Variants in KCNMB2 observed in about 807,000 individuals in gnomAD.
The protein encoded by KCNMB2 is calcium-activated potassium channel subunit beta-2.
Under a neutral mutation model 24.5 loss-of-function variants are expected in KCNMB2, and 9 were observed. The observed-to-expected ratio is 0.37, with a 90% CI of 0.22 to 0.64. The LOEUF is 0.64. KCNMB2 is among the 30% of genes least tolerant of loss of function. The pLI, the probability that KCNMB2 is intolerant of heterozygous loss-of-function variation, is 0.63. For missense variants in KCNMB2, 226 were observed against 284.3 expected (o/e 0.79, Z 1.47); for synonymous variants, 109 against 104.4 (o/e 1.04, Z -0.27).
chr3:178,720,165 GTTCCCC>G (rs1034655209), intron 1 of KCNMB2, among the ~76,000 whole-genome samples: 9 of 150,944 alleles, frequency 6.0e-5, no homozygotes, highest in Non-Finnish European at 1.2e-4. Flanking sequence ...AGAGTGTGAT[GTTCCCC>G]TTCCTGTGTC....
At chr3:178,695,625 A>C (rs1402896017) in intron 1 of KCNMB2, among the ~76,000 whole-genome samples, 3 of 152,232 alleles carry the variant, frequency 2.0e-5, no homozygotes, top group Non-Finnish European at 4.4e-5. Flanking sequence ...TTGCTAAAGC[A>C]TACCAAGATT....
At chr3:178,691,099 C>A (rs1476222255) in intron 1 of KCNMB2, among the ~76,000 whole-genome samples, 1 of 74,198 alleles carries the variant, frequency 1.3e-5, no homozygotes, top group Non-Finnish European at 2.6e-5. Flanking sequence ...CATAATTCCC[C>A]ATTAAGTCTT....
At chr3:178,784,104 G>A (rs1446418681) in intron 1 of KCNMB2, among the ~76,000 whole-genome samples, 2 of 152,148 alleles carry the variant, frequency 1.3e-5, no homozygotes, top group Non-Finnish European at 2.9e-5. Flanking sequence ...ATAGCCTATG[G>A]GCAAAGAGGC....
chr3:178,820,345 A>G (rs1171654736), intron 2 of KCNMB2, among the ~76,000 whole-genome samples: 1 of 152,212 alleles, frequency 6.6e-6, no homozygotes, highest in Non-Finnish European at 1.5e-5. Flanking sequence ...CATCTCACTC[A>G]GCTCCCTTGG....
chr3:178,599,823 A>T (rs912922383), intron 1 of KCNMB2, among the ~76,000 whole-genome samples: 6 of 152,130 alleles, frequency 3.9e-5, no homozygotes, highest in African/African-American at 1.4e-4. Context: ...TATGAATTTG[A>T]CTAATCTAGA....
intron 1 of KCNMB2, among the ~76,000 whole-genome samples, chr3:178,758,020 T>TC (rs1483256193): frequency 1.9e-3 from 3 of 1,596 alleles, no homozygotes; most frequent in Non-Finnish European, 3.3e-3. Flanking sequence ...TATATATATA[T>TC]CTAGAGGATA....
intron 1 of KCNMB2, among the ~76,000 whole-genome samples, chr3:178,554,491 G>A (rs528528781): frequency 6.6e-6 from 1 of 152,212 alleles, no homozygotes; most frequent in Admixed American, 6.5e-5. Flanking sequence ...AAAAATATTT[G>A]TTTCTCTTAC....
At chr3:178,784,125 G>C (rs1577185563) in intron 1 of KCNMB2, among the ~76,000 whole-genome samples, 1 of 152,214 alleles carries the variant, frequency 6.6e-6, no homozygotes, top group African/African-American at 2.4e-5. Context: ...AGTTCTTCTG[G>C]GTCTTGACAG....
chr3:178,693,762 A>G (rs998835035), intron 1 of KCNMB2, among the ~76,000 whole-genome samples: 1 of 152,096 alleles, frequency 6.6e-6, no homozygotes, highest in Non-Finnish European at 1.5e-5. Flanking sequence ...GCCTCCTACA[A>G]TGAGTTAGGG....
chr3:178,620,530 A>C (rs1303188005), intron 1 of KCNMB2, among the ~76,000 whole-genome samples: 3 of 152,224 alleles, frequency 2.0e-5, no homozygotes, highest in African/African-American at 7.2e-5. Flanking sequence ...TCCCTGGTTC[A>C]TAGACGGTAC....
intron 1 of KCNMB2, among the ~76,000 whole-genome samples, chr3:178,768,119 G>T (rs755083784): frequency 2.0e-5 from 3 of 151,980 alleles, no homozygotes; most frequent in Non-Finnish European, 4.4e-5. Context: ...TTTATTCAAA[G>T]ATTATTTTAG....
chr3:178,570,549 T>C (rs1388239007), intron 1 of KCNMB2, among the ~76,000 whole-genome samples: 2 of 135,110 alleles, frequency 1.5e-5, no homozygotes, highest in East Asian at 4.6e-4. Flanking sequence ...TTGCTCTTGG[T>C]AAAGTAAATG....
intron 1 of KCNMB2, among the ~76,000 whole-genome samples, chr3:178,668,797 C>A (rs1720803692): frequency 6.6e-6 from 1 of 152,144 alleles, no homozygotes; most frequent in Admixed American, 6.6e-5. Flanking sequence ...TTGTCCATAT[C>A]TTCTGTTCTT....
chr3:178,761,631 A>C (rs921949744), intron 1 of KCNMB2, among the ~76,000 whole-genome samples: 7 of 152,150 alleles, frequency 4.6e-5, no homozygotes, highest in Admixed American at 1.3e-4. Context: ...TCCCATCCAT[A>C]AAGAGTAGAA....
At chr3:178,793,497 G>A (rs79467335) in intron 1 of KCNMB2, among the ~76,000 whole-genome samples, 3,057 of 151,490 alleles carry the variant, frequency 0.02, 60 homozygotes, top group Non-Finnish European at 0.032. Context: ...CCACCAAGCG[G>A]AAGCTGCTCT....
intron 1 of KCNMB2, among the ~76,000 whole-genome samples, chr3:178,594,033 C>T (rs1553818143): frequency 6.6e-6 from 1 of 151,540 alleles, no homozygotes; most frequent in Non-Finnish European, 1.5e-5. Context: ...CTGGTATGCC[C>T]TCTTCCCTCC....
At chr3:178,628,510 G>A (rs915446617) in intron 1 of KCNMB2, among the ~76,000 whole-genome samples, 2 of 152,146 alleles carry the variant, frequency 1.3e-5, no homozygotes, top group African/African-American at 4.8e-5. Context: ...AATGAGGTTT[G>A]ATTATTGTGA....
chr3:178,707,304 G>A (rs1408446165), intron 1 of KCNMB2, among the ~76,000 whole-genome samples: 1 of 152,078 alleles, frequency 6.6e-6, no homozygotes, highest in Admixed American at 6.5e-5. Context: ...CAGAGTTGTT[G>A]GGATGGTTAA....
chr3:178,583,745 G>C (rs1247312667), intron 1 of KCNMB2, among the ~76,000 whole-genome samples: 1 of 152,136 alleles, frequency 6.6e-6, no homozygotes, highest in Non-Finnish European at 1.5e-5. Context: ...GAGATGTTTT[G>C]AAGAAGAAAG....
Sources: allele counts gnomAD v4.1 joint callset (sites outside exome capture counted in the v4.1 genomes callset), GRCh38; gene constraint gnomAD v4.1.1; transcripts MANE v1.5; gene names NCBI Gene and HGNC (gene_info 2026-07-23, HGNC 2026-07-21).